The following ST6GALNAC3 variants were observed in gnomAD, a reference collection of about 807,000 sequenced individuals.
The protein encoded by ST6GALNAC3 is ST6 N-acetylgalactosaminide alpha-2,6-sialyltransferase 3.
ST6GALNAC3 carries 25 observed loss-of-function variants against 32.7 expected under a neutral mutation model. The ratio of observed to expected loss-of-function variants is 0.76; its 90% CI spans 0.56 to 1.07. The LOEUF (loss-of-function observed/expected upper bound fraction) is 1.07, where lower values mean the gene tolerates loss of function less well. Among genes scored for constraint, ST6GALNAC3 ranks in the 50% least tolerant of loss-of-function variants. The pLI is 0.00. For missense variants in ST6GALNAC3, 355 were observed against 382.4 expected, an observed-to-expected ratio of 0.93 and a Z score of 0.60; for synonymous variants, 129 against 133.1, an observed-to-expected ratio of 0.97 and a Z score of 0.21.
chr1:76,197,840 C>T (rs1654293688), intron 1 of ST6GALNAC3, among the ~76,000 whole-genome samples: 1 of 152,094 alleles, frequency 6.6e-6, no homozygotes, highest in Non-Finnish European at 1.5e-5. Context: ...CTGTTCTATG[C>T]ATTATAGGAT....
chr1:76,458,340 A>T (rs1490038833), intron 3 of ST6GALNAC3, among the ~76,000 whole-genome samples: 6 of 73,988 alleles, frequency 8.1e-5, no homozygotes, highest in African/African-American at 3.4e-4. Context: ...TTCCTCAGGG[A>T]TCTAGAACTA....
chr1:76,343,817 C>T (rs1214197766), intron 2 of ST6GALNAC3, among the ~76,000 whole-genome samples: 2 of 152,078 alleles, frequency 1.3e-5, no homozygotes, highest in African/African-American at 4.8e-5. Flanking sequence ...TAGCAGGATT[C>T]CCTTCCATTA....
chr1:76,260,521 A>G (rs1658169089), intron 1 of ST6GALNAC3, among the ~76,000 whole-genome samples: 2 of 152,172 alleles, frequency 1.3e-5, no homozygotes, highest in Non-Finnish European at 2.9e-5. Flanking sequence ...ATAGGGTATT[A>G]TTATCATCAG....
chr1:76,511,755 G>A (rs1400681286), intron 3 of ST6GALNAC3, among the ~76,000 whole-genome samples: 3 of 152,154 alleles, frequency 2.0e-5, no homozygotes, highest in Non-Finnish European at 4.4e-5. Flanking sequence ...ACTTAAAAAT[G>A]GAAAGGGCTC....
rs6674682 is a variant in ST6GALNAC3 at position 76,166,542 on chromosome 1, C to A, written c.18+91658C>A. On this transcript the variant is annotated intron_variant, in intron 1 of 4. Transcript: ENST00000328299. ...TTTTCTCTAGTTCTGTGAAGAATGT[C>A]AATGCTAGTTTAACAGGAATAGCAT... Among the ~76,000 whole-genome samples the A allele has an allele frequency of 8.3e-3, 1,257 of 152,240 alleles. 22 individuals carry two copies. Among genetic ancestry groups the A allele is most frequent in the African/African-American group, 0.029 (1,188 of 41,524 alleles).
chr1:76,325,554 T>C (rs1228433532), intron 2 of ST6GALNAC3, among the ~76,000 whole-genome samples: 4 of 151,630 alleles, frequency 2.6e-5, no homozygotes, highest in Admixed American at 2.0e-4. Context: ...TGCCAATAAC[T>C]ATTTATTTCC....
intron 3 of ST6GALNAC3, among the ~76,000 whole-genome samples, chr1:76,474,653 A>G (rs951206113): frequency 9.2e-5 from 14 of 152,144 alleles, no homozygotes; most frequent in Non-Finnish European, 1.9e-4. Flanking sequence ...TTTGTTTCAA[A>G]CAAAAAGATG....
chr1:76,526,735 C>T (rs778506441), intron 3 of ST6GALNAC3, among the ~76,000 whole-genome samples: 33 of 152,084 alleles, frequency 2.2e-4, no homozygotes, highest in Non-Finnish European at 4.7e-4. Context: ...CTGTCAATAA[C>T]ATCACTTGCA....
intron 1 of ST6GALNAC3, among the ~76,000 whole-genome samples, chr1:76,189,085 G>A (rs1323897807): frequency 1.1e-4 from 16 of 152,170 alleles, no homozygotes. Context: ...AGTCTCTCTG[G>A]TAGAGTTGGA....
At chr1:76,345,944 T>C (rs1648468934) in intron 2 of ST6GALNAC3, among the ~76,000 whole-genome samples, 1 of 152,116 alleles carries the variant, frequency 6.6e-6, no homozygotes, top group Non-Finnish European at 1.5e-5. Flanking sequence ...ACTCTCTCCC[T>C]TACATCCTGT....
At chr1:76,435,850 T>C (rs1229678280) in intron 3 of ST6GALNAC3, among the ~76,000 whole-genome samples, 1 of 121,144 alleles carries the variant, frequency 8.3e-6, no homozygotes, top group Non-Finnish European at 1.8e-5. Context: ...TTCAATCTTT[T>C]CTTTTTTTAT....
At chr1:76,388,690 T>G (rs1652287296) in intron 2 of ST6GALNAC3, among the ~76,000 whole-genome samples, 3 of 152,198 alleles carry the variant, frequency 2.0e-5, no homozygotes, top group Admixed American at 6.5e-5. Flanking sequence ...GTGAACTGAT[T>G]GCAAGGAAAT....
intron 3 of ST6GALNAC3, among the ~76,000 whole-genome samples, chr1:76,488,064 G>T (rs771421563): frequency 1.3e-5 from 2 of 152,150 alleles, no homozygotes; most frequent in African/African-American, 4.8e-5. Flanking sequence ...GAAGTCCTGG[G>T]AAGAAGAGTG....
chr1:76,539,957 A>C (rs1663885463), intron 3 of ST6GALNAC3, among the ~76,000 whole-genome samples: 1 of 152,210 alleles, frequency 6.6e-6, no homozygotes, highest in Non-Finnish European at 1.5e-5. Context: ...GTGATTCCTC[A>C]AGGATCTAGA....
intron 1 of ST6GALNAC3, among the ~76,000 whole-genome samples, chr1:76,288,103 C>A (rs1488304122): frequency 6.6e-6 from 1 of 152,196 alleles, no homozygotes; most frequent in African/African-American, 2.4e-5. Context: ...AGAGGCCAGA[C>A]TCTTCTGCTT....
intron 1 of ST6GALNAC3, among the ~76,000 whole-genome samples, chr1:76,284,704 CT>C (rs1345289856): frequency 1.3e-5 from 2 of 152,002 alleles, no homozygotes; most frequent in Non-Finnish European, 2.9e-5. Context: ...CTGAAACGAT[CT>C]CCTGAGGCAA....
chr1:76,114,947 A>G lies in ST6GALNAC3; in HGVS notation c.18+40063A>G, dbSNP rs532369248. Among the ~76,000 whole-genome samples the G allele has an allele frequency of 8.5e-5, 13 of 152,114 alleles. No individual in the cohort carries two copies. The East Asian group carries it at 2.5e-3, about 29-fold the overall frequency. On this transcript the variant is annotated intron_variant, in intron 1 of 4. Coordinates refer to ENST00000328299, the MANE Select transcript of ST6GALNAC3 (RefSeq NM_152996.4). Reference sequence around the variant, plus strand: ...AAAAAAAAAAAAAGAAAAAGAAAAAAAAGGTAGGTTTCTGCTCTTGGATCT... The same window carrying G: ...AAAAAAAAAAAAAGAAAAAGAAAAAGAAGGTAGGTTTCTGCTCTTGGATCT...
At chr1:76,418,547 C>A (rs1310314389) in intron 3 of ST6GALNAC3, among the ~76,000 whole-genome samples, 2 of 152,018 alleles carry the variant, frequency 1.3e-5, no homozygotes, top group Non-Finnish European at 2.9e-5. Flanking sequence ...ACCTGCTAAC[C>A]CCAGGAAAAC....
At chr1:76,122,868 G>A (rs1182845167) in intron 1 of ST6GALNAC3, among the ~76,000 whole-genome samples, 1 of 152,176 alleles carries the variant, frequency 6.6e-6, no homozygotes, top group Non-Finnish European at 1.5e-5. Context: ...GAGAGCTACA[G>A]ACACAAAGCT....
Sources: allele counts gnomAD v4.1 joint callset (sites outside exome capture counted in the v4.1 genomes callset), GRCh38; gene constraint gnomAD v4.1.1; transcripts MANE v1.5; gene names NCBI Gene and HGNC (gene_info 2026-07-23, HGNC 2026-07-21).